NAALADL2: variants seen among roughly 807,000 people sequenced by gnomAD.
The protein encoded by NAALADL2 is inactive N-acetylated-alpha-linked acidic dipeptidase-like protein 2.
In NAALADL2, 76 loss-of-function variants were observed where a neutral mutation model predicts 87.2. That is an observed-to-expected ratio of 0.87 (90% CI 0.72 to 1.05). The LOEUF is 1.05. Ranked by LOEUF, NAALADL2 falls within the 50% of genes least tolerant of loss-of-function variation. NAALADL2 has a pLI of 0.00. For synonymous variants in NAALADL2, 354 were observed against 331.0 expected, an observed-to-expected ratio of 1.07 and a Z score of -0.75; for missense variants, 1,089 against 945.8, an observed-to-expected ratio of 1.15 and a Z score of -1.99.
chr3:175,394,115 A>G (rs556616734), intron 5 of NAALADL2, among the ~76,000 whole-genome samples: 2 of 152,318 alleles, frequency 1.3e-5, no homozygotes, highest in South Asian at 4.1e-4. Context: ...ATTCCTGAGG[A>G]AAAAGAAAAT....
chr3:175,504,762 A>C (rs754700091), intron 9 of NAALADL2, among the ~76,000 whole-genome samples: 1 of 152,172 alleles, frequency 6.6e-6, no homozygotes, highest in Non-Finnish European at 1.5e-5. Flanking sequence ...GTTAGTGACC[A>C]TGGACAAAAA....
chr3:175,072,990 A>G (rs1314357962), intron 1 of NAALADL2, among the ~76,000 whole-genome samples: 1 of 152,058 alleles, frequency 6.6e-6, no homozygotes, highest in Non-Finnish European at 1.5e-5. Context: ...AGATTTTAGA[A>G]ATGAACTATA....
chr3:174,698,087 C>T (rs1729196151), intron 2 of NAALADL2, among the ~76,000 whole-genome samples: 1 of 151,818 alleles, frequency 6.6e-6, no homozygotes, highest in Admixed American at 6.6e-5. Flanking sequence ...AAGACTCCGT[C>T]TCAAAAAAAT....
At chr3:175,193,451 G>A (rs1302873143) in intron 2 of NAALADL2, among the ~76,000 whole-genome samples, 2 of 151,612 alleles carry the variant, frequency 1.3e-5, no homozygotes, top group African/African-American at 2.4e-5. Flanking sequence ...CCTACTTTCA[G>A]GCCAAAAAAT....
intron 2 of NAALADL2, among the ~76,000 whole-genome samples, chr3:174,585,073 CAT>C (rs1716556891): frequency 6.6e-6 from 1 of 152,008 alleles, no homozygotes; most frequent in African/African-American, 2.4e-5. Flanking sequence ...AAGAATAACA[CAT>C]ATTCTGAAAT....
At chr3:175,499,037 A>G (rs1315905199) in intron 9 of NAALADL2, among the ~76,000 whole-genome samples, 2 of 152,132 alleles carry the variant, frequency 1.3e-5, no homozygotes, top group Admixed American at 1.3e-4. Flanking sequence ...GAAAGTGCTC[A>G]GTATACAGAG....
intron 2 of NAALADL2, among the ~76,000 whole-genome samples, chr3:174,588,090 A>G (rs1716931400): frequency 6.6e-6 from 1 of 151,828 alleles, no homozygotes; most frequent in Admixed American, 6.6e-5. Flanking sequence ...TTTTTTCTGT[A>G]AACTTCTCTT....
chr3:175,392,949 G>A (rs1769253854), intron 5 of NAALADL2, among the ~76,000 whole-genome samples: 1 of 152,086 alleles, frequency 6.6e-6, no homozygotes, highest in Non-Finnish European at 1.5e-5. Context: ...TTGAACTAAG[G>A]AACTGGAATA....
At chr3:175,682,916 A>G (rs896354630) in intron 11 of NAALADL2, among the ~76,000 whole-genome samples, 5 of 152,056 alleles carry the variant, frequency 3.3e-5, no homozygotes, top group Non-Finnish European at 5.9e-5. Flanking sequence ...TGAAAATGTC[A>G]TACCCTTGGG....
intron 1 of NAALADL2, among the ~76,000 whole-genome samples, chr3:174,461,951 A>C: frequency 6.6e-6 from 1 of 152,188 alleles, no homozygotes; most frequent in East Asian, 1.9e-4. Context: ...TATCTCATTA[A>C]AATAGCAATT....
At chr3:175,730,763 C>A (rs1743635568) in intron 11 of NAALADL2, among the ~76,000 whole-genome samples, 1 of 151,500 alleles carries the variant, frequency 6.6e-6, no homozygotes, top group Non-Finnish European at 1.5e-5. Flanking sequence ...TTTCTTATTT[C>A]TAATTTATTC....
chr3:174,996,513 T>C (rs1467281011), intron 1 of NAALADL2, among the ~76,000 whole-genome samples: 1 of 147,080 alleles, frequency 6.8e-6, no homozygotes, highest in African/African-American at 2.5e-5. Flanking sequence ...AAAAAAAAAG[T>C]ACTGAATTAA....
intron 11 of NAALADL2, among the ~76,000 whole-genome samples, chr3:175,665,880 A>G (rs985571715): frequency 3.9e-5 from 6 of 152,216 alleles, no homozygotes; most frequent in Non-Finnish European, 8.8e-5. Flanking sequence ...GCAGTGAGCC[A>G]AGATCGCGCC....
intron 10 of NAALADL2, among the ~76,000 whole-genome samples, chr3:175,619,537 T>A (rs1484749399): frequency 3.3e-5 from 5 of 151,402 alleles, no homozygotes; most frequent in Non-Finnish European, 5.9e-5. Context: ...CCTCTTGCTC[T>A]ATGCTAATGG....
chr3:174,709,462 G>T (rs1484675058), intron 2 of NAALADL2, among the ~76,000 whole-genome samples: 1 of 152,024 alleles, frequency 6.6e-6, no homozygotes, highest in African/African-American at 2.4e-5. Context: ...ATTAAAGAAG[G>T]CCTAACACTG....
chr3:174,787,610 T>C (rs1279824957), intron 3 of NAALADL2, among the ~76,000 whole-genome samples: 29 of 111,806 alleles, frequency 2.6e-4, no homozygotes, highest in Admixed American at 3.7e-4. Context: ...TATATATATA[T>C]ATATATATAT....
At chr3:175,341,891 T>C (rs1762601631) in intron 5 of NAALADL2, among the ~76,000 whole-genome samples, 1 of 152,118 alleles carries the variant, frequency 6.6e-6, no homozygotes, top group Non-Finnish European at 1.5e-5. Flanking sequence ...TGCATGTGGA[T>C]AGCAAGTTGT....
chr3:175,737,192 C>A, intron 11 of NAALADL2, 114 bp from the exon 12 acceptor site: 2 of 626,864 alleles, frequency 3.2e-6, no homozygotes, highest in Non-Finnish European at 2.8e-6. Flanking sequence ...TATATTATTC[C>A]TGTGTGTTTT....
chr3:175,618,579 A>G (rs1317591232), intron 10 of NAALADL2, among the ~76,000 whole-genome samples: 1 of 152,162 alleles, frequency 6.6e-6, no homozygotes, highest in Non-Finnish European at 1.5e-5. Context: ...TGAGGAGTGC[A>G]GGCTGAAGAA....
Sources: allele counts gnomAD v4.1 joint callset (sites outside exome capture counted in the v4.1 genomes callset), GRCh38; gene constraint gnomAD v4.1.1; transcripts MANE v1.5; gene names NCBI Gene and HGNC (gene_info 2026-07-23, HGNC 2026-07-21).